CSNK2A2IP: variants seen among roughly 807,000 people sequenced by gnomAD.
CSNK2A2IP encodes the protein casein kinase 2 subunit alpha' interacting protein, also known as casein kinase II subunit alpha'-interacting protein.
At chr3:88,411,326 A>G in the CSNK2A2IP span, among the ~76,000 whole-genome samples, 2 of 151,446 alleles carry the variant, frequency 1.3e-5, no homozygotes, top group African/African-American at 4.9e-5. Flanking sequence ...TTTACCATAA[A>G]TTTAGCTCAC....
the CSNK2A2IP span, among the ~76,000 whole-genome samples, chr3:88,402,981 T>C: frequency 6.6e-6 from 1 of 152,118 alleles, no homozygotes; most frequent in African/African-American, 2.4e-5. Context: ...CAAACCAATT[T>C]AAAATTAAAG....
At chr3:88,462,536 A>T in the CSNK2A2IP span, among the ~76,000 whole-genome samples, 2 of 152,142 alleles carry the variant, frequency 1.3e-5, no homozygotes, top group African/African-American at 4.8e-5. Flanking sequence ...TGTTGGAAAA[A>T]TATACAGAAA....
the CSNK2A2IP span, among the ~76,000 whole-genome samples, chr3:88,393,369 G>A: frequency 1.3e-5 from 2 of 152,192 alleles, no homozygotes; most frequent in Non-Finnish European, 2.9e-5. Flanking sequence ...TAGAGATAGG[G>A]ATTTGGCATG....
chr3:88,452,486 T>C, the CSNK2A2IP span, among the ~76,000 whole-genome samples: 6 of 152,294 alleles, frequency 3.9e-5, no homozygotes, highest in East Asian at 1.2e-3. Flanking sequence ...GGATAGAGAA[T>C]ATAGACATCT....
the CSNK2A2IP span, chr3:88,465,466 C>G: frequency 4.1e-6 from 5 of 1,231,688 alleles, no homozygotes; most frequent in Non-Finnish European, 5.1e-6. Context: ...AAAACTAAAT[C>G]AATTCAATAA....
chr3:88,398,852 A>G, the CSNK2A2IP span, among the ~76,000 whole-genome samples: 1 of 152,182 alleles, frequency 6.6e-6, no homozygotes, highest in Non-Finnish European at 1.5e-5. Context: ...TGTCTTGCTC[A>G]GTGCTAAAAT....
At chr3:88,342,587 A>T in the CSNK2A2IP span, among the ~76,000 whole-genome samples, 6 of 151,934 alleles carry the variant, frequency 3.9e-5, no homozygotes, top group Non-Finnish European at 5.9e-5. Context: ...AAACTCCTTT[A>T]AATGTAATTC....
At chr3:88,444,345 A>G in the CSNK2A2IP span, among the ~76,000 whole-genome samples, 1 of 152,188 alleles carries the variant, frequency 6.6e-6, no homozygotes, top group African/African-American at 2.4e-5. Context: ...TATTAACAGG[A>G]GTTTATGTCA....
At chr3:88,450,503 TA>T in the CSNK2A2IP span, among the ~76,000 whole-genome samples, 1 of 151,860 alleles carries the variant, frequency 6.6e-6, no homozygotes, top group Non-Finnish European at 1.5e-5. Flanking sequence ...TTGACCTTTT[TA>T]AAAAAACATT....
chr3:88,363,648 T>C, the CSNK2A2IP span, among the ~76,000 whole-genome samples: 1 of 152,208 alleles, frequency 6.6e-6, no homozygotes, highest in Admixed American at 6.5e-5. Context: ...TAGATATGTT[T>C]TGTATTTCTA....
At chr3:88,343,708 C>A in the CSNK2A2IP span, among the ~76,000 whole-genome samples, 1 of 151,812 alleles carries the variant, frequency 6.6e-6, no homozygotes, top group Non-Finnish European at 1.5e-5. Context: ...AATCACTAAA[C>A]AAAAGTCATT....
the CSNK2A2IP span, among the ~76,000 whole-genome samples, chr3:88,340,267 G>A: frequency 6.6e-6 from 1 of 151,766 alleles, no homozygotes; most frequent in Non-Finnish European, 1.5e-5. Flanking sequence ...GATTAAATTG[G>A]TTAAGACACA....
the CSNK2A2IP span, among the ~76,000 whole-genome samples, chr3:88,448,520 A>G: frequency 6.6e-6 from 1 of 152,212 alleles, no homozygotes; most frequent in African/African-American, 2.4e-5. Context: ...TTTAAAGTAT[A>G]TAGGGAATCC....
At chr3:88,426,815 A>G in the CSNK2A2IP span, among the ~76,000 whole-genome samples, 3 of 146,102 alleles carry the variant, frequency 2.1e-5, no homozygotes, top group South Asian at 2.2e-4. Context: ...TCCTTTATAC[A>G]TTACCCAATC....
chr3:88,374,051 A>G, the CSNK2A2IP span, among the ~76,000 whole-genome samples: 1 of 151,814 alleles, frequency 6.6e-6, no homozygotes, highest in East Asian at 1.9e-4. Context: ...AGGAATAAAC[A>G]ATACCAATTC....
the CSNK2A2IP span, among the ~76,000 whole-genome samples, chr3:88,402,572 C>T: frequency 1.3e-5 from 2 of 151,800 alleles, no homozygotes; most frequent in Admixed American, 1.3e-4. Context: ...TAAAGAAAAT[C>T]AATACAAAAA....
At chr3:88,420,817 C>T in the CSNK2A2IP span, among the ~76,000 whole-genome samples, 2 of 151,848 alleles carry the variant, frequency 1.3e-5, no homozygotes, top group African/African-American at 4.8e-5. Flanking sequence ...ATGTAGAGGC[C>T]GATGAATCAT....
the CSNK2A2IP span, among the ~76,000 whole-genome samples, chr3:88,450,041 T>G: frequency 6.6e-6 from 1 of 151,182 alleles, no homozygotes; most frequent in Non-Finnish European, 1.5e-5. Flanking sequence ...CTAACTGTTT[T>G]GTATTTTTGT....
the CSNK2A2IP span, among the ~76,000 whole-genome samples, chr3:88,340,013 G>A: frequency 2.0e-5 from 3 of 151,996 alleles, no homozygotes; most frequent in Non-Finnish European, 2.9e-5. Context: ...AGAACTGGAT[G>A]TACAGTTGCC....
Sources: allele counts gnomAD v4.1 joint callset (sites outside exome capture counted in the v4.1 genomes callset), GRCh38; gene constraint gnomAD v4.1.1; transcripts MANE v1.5; gene names NCBI Gene and HGNC (gene_info 2026-07-23, HGNC 2026-07-21).